WDR74: variants seen among roughly 807,000 people sequenced by gnomAD.
The protein encoded by WDR74 is WD repeat domain 74.
Under a neutral mutation model 45.6 loss-of-function variants are expected in WDR74, and 31 were observed. The ratio of observed to expected loss-of-function variants is 0.68; its 90% CI spans 0.51 to 0.92. The LOEUF (loss-of-function observed/expected upper bound fraction) is 0.92, where lower values mean the gene tolerates loss of function less well. Ranked by LOEUF, WDR74 falls within the 40% of genes least tolerant of loss-of-function variation. WDR74 has a pLI of 0.00. For missense variants in WDR74, 455 were observed against 497.2 expected, an observed-to-expected ratio of 0.92 and a Z score of 0.81; for synonymous variants, 191 against 192.4, an observed-to-expected ratio of 0.99 and a Z score of 0.06.
upstream of WDR74, chr11:62,841,656 G>C (rs563802522): frequency 3.9e-5 from 6 of 152,336 alleles, no homozygotes; most frequent in Non-Finnish European, 7.4e-5. Context: ...GCAATACCAG[G>C]TCGATGCGTG....
intron 3 of WDR74, among the ~76,000 whole-genome samples, chr11:62,838,027 C>T (rs368669621): frequency 6.7e-4 from 102 of 152,194 alleles, no homozygotes; most frequent in Admixed American, 1.9e-3. Flanking sequence ...CGTTTGACCC[C>T]GGGAGGTTGA....
chr11:62,841,385 C>G (rs542112769), upstream of WDR74, among the ~76,000 whole-genome samples: 2 of 151,996 alleles, frequency 1.3e-5, no homozygotes, highest in Admixed American at 1.3e-4. Flanking sequence ...TCAATAGTTC[C>G]AACTACCCCA....
chr11:62,838,760 CAAAAAAA>C (rs112966057), intron 3 of WDR74, among the ~76,000 whole-genome samples: 43 of 99,628 alleles, frequency 4.3e-4, no homozygotes, highest in Admixed American at 1.1e-3. Flanking sequence ...ACTCCGTCTC[CAAAAAAA>C]AAAAAAACAA....
At chr11:62,841,534 C>G (rs554422210), upstream of WDR74, 2 of 151,682 alleles carry the variant, frequency 1.3e-5, no homozygotes, top group East Asian at 1.9e-4. Flanking sequence ...CCTAATCCAA[C>G]TCAAACAACA....
chr11:62,835,395 A>C (rs752786779), intron 6 of WDR74, 36 bp downstream of exon 6: 2 of 1,593,190 alleles, frequency 1.3e-6, no homozygotes, highest in Admixed American at 3.4e-5. Flanking sequence ...AGGCTGCTTT[A>C]TCCCAGGAGA....
chr11:62,840,329 C>G (rs914470958), upstream of WDR74: 2 of 152,082 alleles, frequency 1.3e-5, no homozygotes, highest in Non-Finnish European at 2.9e-5. Context: ...CATACAAAAA[C>G]AAAACTAGCC....
intron 6 of WDR74, 44 bp downstream of exon 6, chr11:62,835,387 G>T (rs531722885): frequency 1.3e-6 from 2 of 1,568,384 alleles, no homozygotes; most frequent in Non-Finnish European, 8.8e-7. Flanking sequence ...TCTCCAGGAG[G>T]CTGCTTTATC....
chr11:62,837,519 A>C lies in WDR74; in HGVS notation c.294-1483T>G, dbSNP rs117120008. ...ATATAAAAAAAAAACAAAAAACAAA[A>C]AAAAAAAAACGCTTCCTTGTTATCA... is the stretch of plus-strand genomic sequence containing the variant. On this transcript the variant is annotated intron_variant, in intron 3 of 10. Coordinates refer to ENST00000278856, the MANE Select transcript of WDR74 (RefSeq NM_001369450.1). 7.5e-3 allele frequency among the ~76,000 whole-genome samples: 1,123 copies of C among 149,964 alleles called. 18 individuals are homozygous for C. In the East Asian group the frequency reaches 0.081, roughly 11 times the overall value.
upstream of WDR74, chr11:62,839,692 T>TC: frequency 8.2e-7 from 1 of 1,226,274 alleles, no homozygotes. Context: ...CAGTAAAGCT[T>TC]CCATGCTTGT....
rs373272856 is a variant in WDR74, at chr11:62,833,944, A to G, written c.776-7T>C. 4.0e-5 allele frequency: 65 copies of G among 1,612,244 alleles called. No individual in the cohort carries two copies. The highest frequency in any genetic ancestry group is 1.1e-5 in the South Asian group (1 of 90,984). Reference sequence around the variant, plus strand: ...AGACAGCCCAGTAGACGCCCTAGAGAAGGGGGGAAGCATCCGTGATAACTG... The same window carrying G: ...AGACAGCCCAGTAGACGCCCTAGAGGAGGGGGGAAGCATCCGTGATAACTG... On this transcript the variant is annotated splice_polypyrimidine_tract_variant and splice_region_variant and intron_variant, in intron 8 of 10. Transcript: ENST00000278856.
At chr11:62,835,939 C>A (rs772145616) in intron 4 of WDR74, 22 bp downstream of exon 4, 15 of 1,587,740 alleles carry the variant, frequency 9.4e-6, no homozygotes, top group Non-Finnish European at 1.2e-5. Context: ...CTCCCCCAAC[C>A]ATCAGGGCAG....
upstream of WDR74, chr11:62,839,717 A>G (rs2085020428): frequency 3.9e-6 from 4 of 1,021,208 alleles, no homozygotes; most frequent in Admixed American, 2.9e-5. Context: ...CTTTACGAAA[A>G]TGAAACCAGG....
intron 8 of WDR74, 52 bp from the exon 9 acceptor site, chr11:62,833,989 T>C: frequency 6.3e-7 from 1 of 1,598,954 alleles, no homozygotes; most frequent in South Asian, 1.1e-5. Context: ...TAACCAACCA[T>C]TCATTGTTTC....
upstream of WDR74, among the ~76,000 whole-genome samples, chr11:62,841,411 A>C (rs933731120): frequency 6.6e-6 from 1 of 152,194 alleles, no homozygotes; most frequent in South Asian, 2.1e-4. Flanking sequence ...TGAAGTATGA[A>C]GATTGCTGAA....
rs1446764547 is a variant in WDR74 at position 62,836,018 on chromosome 11, C to T, written c.312G>A (p.Val104=). The T allele has an allele frequency of 1.3e-6, 2 of 1,594,172 alleles. No homozygotes were observed. The highest frequency in any genetic ancestry group is 8.5e-7 in the Non-Finnish European group (1 of 1,170,144). ...AQADGTLITC[V]DSGILRVWHD... The stretch of plus-strand genomic sequence containing the variant: ...GCCAGACTCTGAGAATCCCAGAATC[C>T]ACACATGTGATGAGGGTGCTGCAGA... Residue 104 remains valine, a synonymous_variant, in exon 4 of 11, where the codon GTG becomes GTA. Coordinates refer to ENST00000278856, the MANE Select transcript of WDR74 (RefSeq NM_001369450.1).
chr11:62,841,595 A>C (rs142048182), upstream of WDR74: 4 of 152,314 alleles, frequency 2.6e-5, no homozygotes, highest in Non-Finnish European at 5.9e-5. Context: ...CTTCCATTAA[A>C]CAACGGTTGT....
upstream of WDR74, chr11:62,841,536 C>CA (rs1244765660): frequency 4.6e-5 from 7 of 151,648 alleles, no homozygotes; most frequent in Middle Eastern, 3.4e-3. Flanking sequence ...TAATCCAACT[C>CA]AAACAACAAG....
upstream of WDR74, among the ~76,000 whole-genome samples, chr11:62,841,383 T>C (rs1379427955): frequency 6.6e-6 from 1 of 151,938 alleles, no homozygotes; most frequent in East Asian, 1.9e-4. Flanking sequence ...GCTCAATAGT[T>C]CCAACTACCC....
chr11:62,833,028 G>C lies in WDR74; in HGVS notation c.1082C>G (p.Ser361Trp). The C allele has an allele frequency of 6.2e-7, 1 of 1,610,078 alleles. No homozygotes were observed. The highest frequency in any genetic ancestry group is 1.1e-5 in the South Asian group (1 of 90,336). The change falls in exon 11 of 11, where the codon TCG becomes TGG. Residue 361 changes from serine to tryptophan, a missense_variant. By Grantham distance (177) the Ser-to-Trp change is radical. Transcript: ENST00000278856. ...AGCTCCTTGGGGCTGCTCCAAACCC[G>C]AGAGCTTCCGCTTGGCAGCTGCCTC... Reference protein sequence around the residue: ...SLEAAAKRKLSGLEQPQGALQ... With the variant: ...SLEAAAKRKLWGLEQPQGALQ...
Sources: gnomAD v4.1 joint callset for allele counts (sites outside exome capture counted in the v4.1 genomes callset) on GRCh38, gnomAD v4.1.1 for gene constraint, MANE v1.5 for transcripts, NCBI Gene and HGNC (gene_info 2026-07-23, HGNC 2026-07-21) for gene names.